ANTXR1: variants seen among roughly 807,000 people sequenced by gnomAD.
ANTXR1 encodes anthrax toxin receptor 1.
Under a neutral mutation model 78.1 loss-of-function variants are expected in ANTXR1, and 19 were observed. That is an observed-to-expected ratio of 0.24 (90% CI 0.17 to 0.36). ANTXR1 has a LOEUF of 0.36. ANTXR1 is among the 10% of genes least tolerant of loss of function. The pLI, the probability that ANTXR1 is intolerant of heterozygous loss-of-function variation, is 1.00. For synonymous variants in ANTXR1, 273 were observed against 260.5 expected (o/e 1.05, Z -0.46); for missense variants, 518 against 718.6 (o/e 0.72, Z 3.19).
intron 17 of ANTXR1, among the ~76,000 whole-genome samples, chr2:69,205,353 G>A (rs1674870128): frequency 6.6e-6 from 1 of 152,090 alleles, no homozygotes; most frequent in African/African-American, 2.4e-5. Flanking sequence ...AGGGAGGGTA[G>A]GGAGTGCAGC....
At chr2:69,087,779 C>T (rs1228051310) in intron 8 of ANTXR1, among the ~76,000 whole-genome samples, 2 of 152,170 alleles carry the variant, frequency 1.3e-5, no homozygotes, top group Non-Finnish European at 1.5e-5. Context: ...GGCCTCCCTA[C>T]CCCCACACAG....
intron 6 of ANTXR1, among the ~76,000 whole-genome samples, chr2:69,074,144 T>G (rs771792008): frequency 3.9e-5 from 6 of 152,208 alleles, no homozygotes; most frequent in Non-Finnish European, 7.3e-5. Flanking sequence ...CTTTGAAGCC[T>G]ACACTGGCAG....
intron 9 of ANTXR1, 108 bp downstream of exon 9, chr2:69,091,027 G>T: frequency 8.5e-7 from 1 of 1,182,632 alleles, no homozygotes; most frequent in Non-Finnish European, 1.2e-6. Context: ...AACAGGAAGG[G>T]GTAGGGTGAA....
At chr2:69,148,725 C>T (rs1254688796) in intron 12 of ANTXR1, among the ~76,000 whole-genome samples, 1 of 152,194 alleles carries the variant, frequency 6.6e-6, no homozygotes, top group African/African-American at 2.4e-5. Flanking sequence ...TCTTATTCCA[C>T]CAAAATGTAA....
chr2:69,111,167 A>G (rs753608538), intron 10 of ANTXR1, among the ~76,000 whole-genome samples: 1 of 152,248 alleles, frequency 6.6e-6, no homozygotes, highest in Non-Finnish European at 1.5e-5. Context: ...TTAGTTCCTC[A>G]GTCACCAGGC....
At position 69,124,604 on chromosome 2, in the gene ANTXR1, T is replaced by G; in HGVS notation, c.912T>G (p.Ser304=). The stretch of plus-strand genomic sequence containing the variant: ...AGGTCAGCATGAACGATGGCCTCTC[T>G]TTTATCTCCAGTTCTGTCATCATCA... ...ALQVSMNDGL[S]FISSSVIITT... is the part of the protein sequence containing the mutation. The change falls in exon 12 of 18, where the codon TCT becomes TCG. Residue 304 remains serine, a synonymous_variant. Transcript: ENST00000303714. The G allele has an allele frequency of 6.2e-7, 1 of 1,614,234 alleles. No homozygotes were observed. Among genetic ancestry groups the G allele is most frequent in the East Asian group, 2.2e-5 (1 of 44,890 alleles).
chr2:69,149,106 A>C (rs1012064342), intron 12 of ANTXR1, among the ~76,000 whole-genome samples: 22 of 152,302 alleles, frequency 1.4e-4, no homozygotes, highest in African/African-American at 4.8e-4. Flanking sequence ...ATCTCAAAAA[A>C]CAGACAGTGC....
At chr2:69,150,096 C>G (rs112122643) in intron 12 of ANTXR1, among the ~76,000 whole-genome samples, 9 of 152,328 alleles carry the variant, frequency 5.9e-5, no homozygotes, top group African/African-American at 1.9e-4. Context: ...GTGTTTAGTT[C>G]CCTGGCTTTT....
At chr2:69,142,872 T>C (rs1673108559) in intron 12 of ANTXR1, among the ~76,000 whole-genome samples, 1 of 152,110 alleles carries the variant, frequency 6.6e-6, no homozygotes, top group South Asian at 2.1e-4. Flanking sequence ...TTGTATGGGC[T>C]AAAGACTCAA....
chr2:69,035,036 G>A (rs1419413161), intron 1 of ANTXR1, among the ~76,000 whole-genome samples: 1 of 152,116 alleles, frequency 6.6e-6, no homozygotes, highest in Non-Finnish European at 1.5e-5. Context: ...TAGCTACTAG[G>A]GCAGTTTCCA....
At chr2:69,056,051 C>T (rs941719911) in intron 3 of ANTXR1, among the ~76,000 whole-genome samples, 6 of 152,194 alleles carry the variant, frequency 3.9e-5, no homozygotes, top group Non-Finnish European at 5.9e-5. Context: ...TACCACCCTT[C>T]ACCTGCTACT....
intron 16 of ANTXR1, among the ~76,000 whole-genome samples, chr2:69,189,293 G>A (rs1001918667): frequency 7.9e-5 from 12 of 152,252 alleles, no homozygotes; most frequent in Admixed American, 2.0e-4. Flanking sequence ...CCTGCAAGTC[G>A]GGCAGCGCTT....
intron 12 of ANTXR1, among the ~76,000 whole-genome samples, chr2:69,140,432 A>G (rs1357074872): frequency 1.3e-5 from 2 of 152,204 alleles, no homozygotes; most frequent in African/African-American, 2.4e-5. Flanking sequence ...TTGCTTTGAA[A>G]TGGTCATAAC....
chr2:69,138,564 C>G (rs1368204489), intron 12 of ANTXR1, among the ~76,000 whole-genome samples: 1 of 152,168 alleles, frequency 6.6e-6, no homozygotes, highest in Non-Finnish European at 1.5e-5. Context: ...GCAAAGCAGC[C>G]ATCTTCTCAC....
intron 13 of ANTXR1, among the ~76,000 whole-genome samples, chr2:69,159,696 AT>A (rs1219061682): frequency 1.3e-5 from 2 of 152,084 alleles, no homozygotes; most frequent in Non-Finnish European, 2.9e-5. Flanking sequence ...TGCATTCAGA[AT>A]TTTTTCCTAT....
intron 10 of ANTXR1, among the ~76,000 whole-genome samples, chr2:69,106,117 G>C (rs1185213549): frequency 1.3e-5 from 2 of 152,214 alleles, no homozygotes; most frequent in East Asian, 3.8e-4. Context: ...TTTGCAAATT[G>C]ATCATGCTAA....
intron 13 of ANTXR1, among the ~76,000 whole-genome samples, chr2:69,155,918 G>A (rs1005626537): frequency 6.6e-6 from 1 of 152,112 alleles, no homozygotes; most frequent in African/African-American, 2.4e-5. Context: ...CTGGAGTATC[G>A]AAGAAATCCC....
intron 10 of ANTXR1, among the ~76,000 whole-genome samples, 177 bp from the exon 11 acceptor site, chr2:69,122,840 C>T (rs1672395614): frequency 6.6e-6 from 1 of 151,908 alleles, no homozygotes; most frequent in Non-Finnish European, 1.5e-5. Context: ...TGAGAACATG[C>T]GGTGTTTGGT....
chr2:69,073,163 T>C, intron 6 of ANTXR1, 62 bp downstream of exon 6: 1 of 1,450,514 alleles, frequency 6.9e-7, no homozygotes, highest in Non-Finnish European at 9.7e-7. Flanking sequence ...CTTTCTAAAA[T>C]GGGCCACACT....
Sources: gnomAD v4.1 joint callset for allele counts (sites outside exome capture counted in the v4.1 genomes callset) on GRCh38, gnomAD v4.1.1 for gene constraint, MANE v1.5 for transcripts, NCBI Gene and HGNC (gene_info 2026-07-23, HGNC 2026-07-21) for gene names.